The following FILIP1L variants were observed in gnomAD, a reference collection of about 807,000 sequenced individuals.
FILIP1L encodes filamin A interacting protein 1 like.
A neutral mutation model predicts 96.6 loss-of-function variants in FILIP1L; 55 were observed. The observed-to-expected ratio is 0.57, with a 90% confidence interval of 0.46 to 0.71. The LOEUF (loss-of-function observed/expected upper bound fraction) is 0.71. Ranked by LOEUF, FILIP1L falls within the 30% of genes least tolerant of loss-of-function variation. The pLI, the probability that FILIP1L is intolerant of heterozygous loss-of-function variation, is 0.00. For synonymous variants in FILIP1L, 467 were observed against 473.9 expected (o/e 0.99, Z 0.19); for missense variants, 1,304 against 1,321.2 (o/e 0.99, Z 0.20).
chr3:99,992,025 TAC>T (rs1460432219), intron 1 of FILIP1L, among the ~76,000 whole-genome samples: 5 of 150,702 alleles, frequency 3.3e-5, no homozygotes, highest in Non-Finnish European at 5.9e-5. Context: ...TATATATATA[TAC>T]GTGTATATAT....
At chr3:99,939,934 G>T (rs1707805109) in intron 1 of FILIP1L, among the ~76,000 whole-genome samples, 1 of 152,036 alleles carries the variant, frequency 6.6e-6, no homozygotes, top group Admixed American at 6.5e-5. Flanking sequence ...TCTCTTTTTA[G>T]TTTGGAAGTG....
intron 5 of FILIP1L, among the ~76,000 whole-genome samples, chr3:99,841,598 G>A (rs1943134929): frequency 6.6e-6 from 1 of 152,150 alleles, no homozygotes; most frequent in Non-Finnish European, 1.5e-5. Flanking sequence ...TTTGTATATT[G>A]TAGTTGTCCA....
chr3:99,940,672 A>G (rs144389729), intron 1 of FILIP1L, among the ~76,000 whole-genome samples: 3 of 152,312 alleles, frequency 2.0e-5, no homozygotes, highest in African/African-American at 2.4e-5. Flanking sequence ...AAAGATAAAA[A>G]TGCACCTTTC....
intron 1 of FILIP1L, among the ~76,000 whole-genome samples, chr3:99,983,092 C>G (rs1709175699): frequency 6.6e-6 from 1 of 151,908 alleles, no homozygotes; most frequent in African/African-American, 2.4e-5. Flanking sequence ...ATTAAAAATG[C>G]CTTTCTTTCA....
At chr3:100,004,846 A>G (rs1709943883) in intron 1 of FILIP1L, among the ~76,000 whole-genome samples, 1 of 152,226 alleles carries the variant, frequency 6.6e-6, no homozygotes. Flanking sequence ...GCAGGTGGGG[A>G]AAATCTGGCC....
rs369595874 is a variant in FILIP1L, at chr3:100,094,021, A to G, written c.-11+20032T>C. On this transcript the variant is annotated intron_variant, in intron 1 of 5. Coordinates refer to ENST00000477258, the MANE Select transcript of FILIP1L (RefSeq NM_001387850.1). ...GTTCATATGGTAGTTTTATAGAGTT[A>G]CTGTACCAACTTACATTCCTACCAG... is the stretch of plus-strand genomic sequence containing the variant. 5.9e-5 allele frequency among the ~76,000 whole-genome samples: 9 copies of G among 152,344 alleles called. No homozygotes were observed. The South Asian group carries it at 1.9e-3, about 32-fold the overall frequency.
intron 1 of FILIP1L, among the ~76,000 whole-genome samples, chr3:99,957,929 A>G (rs577412372): frequency 3.1e-4 from 47 of 150,014 alleles, no homozygotes; most frequent in African/African-American, 1.1e-3. Flanking sequence ...GTTTAATGAA[A>G]ACACAGGTTT....
At chr3:99,832,299 C>T (rs1193267141) in intron 5 of FILIP1L, among the ~76,000 whole-genome samples, 5 of 147,498 alleles carry the variant, frequency 3.4e-5, no homozygotes, top group Non-Finnish European at 4.5e-5. Flanking sequence ...GGCGCGATAT[C>T]GGCTCACTGC....
chr3:100,090,178 C>T (rs1377317547), intron 1 of FILIP1L, among the ~76,000 whole-genome samples: 1 of 152,198 alleles, frequency 6.6e-6, no homozygotes, highest in African/African-American at 2.4e-5. Flanking sequence ...TCTATGAATG[C>T]CCCTTCTAGT....
intron 4 of FILIP1L, among the ~76,000 whole-genome samples, chr3:99,868,904 C>A (rs1428342634): frequency 6.6e-6 from 1 of 152,144 alleles, no homozygotes; most frequent in East Asian, 1.9e-4. Flanking sequence ...GTACTGCTTT[C>A]TAATTTGTTT....
At chr3:100,098,094 T>C (rs2066242536) in intron 1 of FILIP1L, among the ~76,000 whole-genome samples, 1 of 152,346 alleles carries the variant, frequency 6.6e-6, no homozygotes. Flanking sequence ...CTTTGACTCT[T>C]GGCTGTGCTG....
chr3:99,863,362 A>C (rs1161963465), intron 4 of FILIP1L, among the ~76,000 whole-genome samples: 1 of 152,180 alleles, frequency 6.6e-6, no homozygotes, highest in African/African-American at 2.4e-5. Context: ...TCAAACTGGT[A>C]CTGGTCTTCG....
chr3:100,112,057 A>G (rs1370307541), intron 1 of FILIP1L, among the ~76,000 whole-genome samples: 1 of 152,214 alleles, frequency 6.6e-6, no homozygotes, highest in Non-Finnish European at 1.5e-5. Context: ...ATTCTAAAAT[A>G]GTTGATGAAT....
At chr3:100,111,297 A>G (rs963184029) in intron 1 of FILIP1L, among the ~76,000 whole-genome samples, 3 of 152,146 alleles carry the variant, frequency 2.0e-5, no homozygotes, top group Admixed American at 1.3e-4. Flanking sequence ...GGTCAGGGCT[A>G]TGAGTACTCA....
intron 1 of FILIP1L, among the ~76,000 whole-genome samples, chr3:99,956,460 C>A (rs1477934956): frequency 6.6e-6 from 1 of 152,162 alleles, no homozygotes; most frequent in African/African-American, 2.4e-5. Context: ...TCAAGTGATT[C>A]TTGTGTCTCA....
At chr3:99,852,053 C>T (rs1943723001) in intron 4 of FILIP1L, among the ~76,000 whole-genome samples, 1 of 152,148 alleles carries the variant, frequency 6.6e-6, no homozygotes, top group African/African-American at 2.4e-5. Context: ...CTATTTTCTT[C>T]TTTTATGTTT....
At chr3:99,833,182 T>C in intron 5 of FILIP1L, 2 of 1,523,890 alleles carry the variant, frequency 1.3e-6, no homozygotes, top group Non-Finnish European at 1.8e-6. Context: ...TTAACCCAGT[T>C]CAACATGAAG....
At chr3:99,844,871 G>A (rs1043136139) in intron 5 of FILIP1L, among the ~76,000 whole-genome samples, 1 of 152,168 alleles carries the variant, frequency 6.6e-6, no homozygotes, top group African/African-American at 2.4e-5. Context: ...TTGCTGCCAG[G>A]TGAGATGTGC....
At chr3:99,987,964 T>A (rs1705014942) in intron 1 of FILIP1L, among the ~76,000 whole-genome samples, 1 of 152,208 alleles carries the variant, frequency 6.6e-6, no homozygotes. Flanking sequence ...TTCCAGGCCA[T>A]CATTCTGTTT....
Sources: gnomAD v4.1 joint callset for allele counts (sites outside exome capture counted in the v4.1 genomes callset) on GRCh38, gnomAD v4.1.1 for gene constraint, MANE v1.5 for transcripts, NCBI Gene and HGNC (gene_info 2026-07-23, HGNC 2026-07-21) for gene names.